JARID2: variants seen among roughly 807,000 people sequenced by gnomAD.
The protein encoded by JARID2 is jumonji and AT-rich interaction domain containing 2.
A neutral mutation model predicts 125.6 loss-of-function variants in JARID2; 21 were observed. The ratio of observed to expected loss-of-function variants is 0.17; its 90% CI spans 0.12 to 0.24. The LOEUF is 0.24. Among genes scored for constraint, JARID2 ranks in the 10% least tolerant of loss-of-function variants. JARID2 has a pLI of 1.00. For missense variants in JARID2, 1,303 were observed against 1,639.6 expected (o/e 0.79, Z 3.55); for synonymous variants, 736 against 661.6 (o/e 1.11, Z -1.73).
intron 1 of JARID2, among the ~76,000 whole-genome samples, chr6:15,278,911 A>C (rs1760645384): frequency 6.6e-6 from 1 of 152,154 alleles, no homozygotes; most frequent in Admixed American, 6.5e-5. Context: ...TCTACTAAAA[A>C]TACAAAAATT....
rs12210722 is a variant in JARID2 at position 15,470,009 on chromosome 6, T to C, written c.670+1291T>C. ...CTGGCCAACATGGTGAAACCCCGTC[T>C]CTACTAAAAATACATAAATTAGCCG... On this transcript the variant is annotated intron_variant, in intron 5 of 17. Transcript: ENST00000341776. Among the ~76,000 whole-genome samples the C allele has an allele frequency of 4.6e-3, 692 of 152,022 alleles. 4 individuals carry two copies. The highest frequency in any genetic ancestry group is 9.0e-3 in the Admixed American group (138 of 15,262).
At chr6:15,344,145 G>T (rs1224243735) in intron 1 of JARID2, among the ~76,000 whole-genome samples, 1 of 143,224 alleles carries the variant, frequency 7.0e-6, no homozygotes, top group Non-Finnish European at 1.5e-5. Flanking sequence ...ATTTCCAAGG[G>T]TGGCTGTGAA....
chr6:15,343,291 A>T (rs200170280), intron 1 of JARID2, among the ~76,000 whole-genome samples: 49 of 120,140 alleles, frequency 4.1e-4, no homozygotes, highest in South Asian at 1.3e-3. Flanking sequence ...TTAAGGATTT[A>T]AAAAAAAAAA....
At chr6:15,346,337 C>T (rs1315082271) in intron 1 of JARID2, among the ~76,000 whole-genome samples, 1 of 152,102 alleles carries the variant, frequency 6.6e-6, no homozygotes, top group Non-Finnish European at 1.5e-5. Context: ...TTACTGTCTG[C>T]TGTTTTGTGG....
intron 5 of JARID2, among the ~76,000 whole-genome samples, 155 bp downstream of exon 5, chr6:15,468,873 T>C (rs956112759): frequency 6.6e-6 from 1 of 152,154 alleles, no homozygotes; most frequent in African/African-American, 2.4e-5. Context: ...ATTATTAGTG[T>C]AGCTTAGTGT....
chr6:15,307,603 TC>T (rs1175978508), intron 1 of JARID2, among the ~76,000 whole-genome samples: 3 of 152,122 alleles, frequency 2.0e-5, no homozygotes, highest in Non-Finnish European at 2.9e-5. Context: ...GTGGTTCTTC[TC>T]CCCCACCAGA....
At chr6:15,518,234 C>T (rs528021151) in intron 17 of JARID2, among the ~76,000 whole-genome samples, 13 of 152,258 alleles carry the variant, frequency 8.5e-5, no homozygotes, top group East Asian at 5.8e-4. Context: ...GGCGGCGGCA[C>T]GGGGAGGCTT....
At chr6:15,283,090 T>C (rs150542143) in intron 1 of JARID2, among the ~76,000 whole-genome samples, 8,636 of 151,908 alleles carry the variant, frequency 0.057, 317 homozygotes, top group African/African-American at 0.088. Context: ...GCCATTCTCC[T>C]GCCTCAGCCT....
At position 15,496,813 on chromosome 6, in the gene JARID2, C is replaced by T. The variant is rs1770462843; in HGVS notation, c.1588C>T (p.Pro530Ser). ...CTGTGAAAATCGTTCTACCTCGCAA[C>T]CGGAGTCCGTGCACAAGCCGCAGGA... ...ASCENRSTSQ[P>S]ESVHKPQDSG... Residue 530 changes from proline to serine, a missense_variant, in exon 7 of 18, where the codon CCG becomes TCG. Physicochemically the swap from Pro to Ser is moderately conservative, Grantham distance 74. Around this residue, in one of 11 missense-constraint regions of JARID2, gnomAD observed 651 missense variants for 581.6 expected, o/e 1.12. Transcript: ENST00000341776. 1.9e-6 allele frequency: 3 copies of T among 1,605,374 alleles called. No homozygotes were observed. The highest frequency in any genetic ancestry group is 2.6e-6 in the Non-Finnish European group (3 of 1,175,204).
intron 3 of JARID2, among the ~76,000 whole-genome samples, chr6:15,444,515 G>C (rs1214571224): frequency 6.6e-6 from 1 of 152,136 alleles, no homozygotes; most frequent in Admixed American, 6.5e-5. Flanking sequence ...ACACACACGG[G>C]CACACTCTTG....
rs199945772 is a variant in JARID2, at chr6:15,285,106, G to GTTTTT, written c.45+38539_45+38543dup. ...TTTGCATTAATGTGAGTCTTTCTGG[G>GTTTTT]TTTTTTTTTTTTTTTTTTTTTGAAA... On this transcript the variant is annotated intron_variant, in intron 1 of 17. Transcript: ENST00000341776. Among the ~76,000 whole-genome samples, 520 of 119,436 alleles carry GTTTTT rather than the reference G, an allele frequency of 4.4e-3. 29 individuals carry two copies. Among genetic ancestry groups the GTTTTT allele is most frequent in the African/African-American group, 0.016 (476 of 30,404 alleles). The allele number at this position is 119,436 out of a possible 152,430, so 78.4% of individuals were successfully genotyped here.
intron 13 of JARID2, 102 bp downstream of exon 13, chr6:15,511,503 A>G: frequency 1.3e-6 from 1 of 770,168 alleles, no homozygotes; most frequent in Non-Finnish European, 2.2e-6. Context: ...ATGAGGACAC[A>G]GCAAAACAAA....
At chr6:15,447,723 G>C (rs1767735750) in intron 3 of JARID2, among the ~76,000 whole-genome samples, 1 of 152,234 alleles carries the variant, frequency 6.6e-6, no homozygotes. Context: ...GAAATAAATG[G>C]TGTGGTGGGC....
intron 2 of JARID2, among the ~76,000 whole-genome samples, chr6:15,377,977 C>T (rs1581476260): frequency 1.3e-5 from 2 of 151,534 alleles, no homozygotes; most frequent in East Asian, 1.9e-4. Flanking sequence ...CCTCTGCCTC[C>T]GGGTTCAAGT....
intron 3 of JARID2, among the ~76,000 whole-genome samples, chr6:15,425,525 G>A (rs1224001797): frequency 6.6e-6 from 1 of 152,102 alleles, no homozygotes; most frequent in Non-Finnish European, 1.5e-5. Flanking sequence ...CCTCTTGAGT[G>A]GATTAATACC....
At chr6:15,360,809 C>T (rs1763766094) in intron 1 of JARID2, among the ~76,000 whole-genome samples, 1 of 152,080 alleles carries the variant, frequency 6.6e-6, no homozygotes, top group African/African-American at 2.4e-5. Flanking sequence ...CCAACCTAGT[C>T]TTTCTTTTTT....
intron 3 of JARID2, among the ~76,000 whole-genome samples, chr6:15,436,413 G>A (rs1036302624): frequency 1.3e-5 from 2 of 152,192 alleles, no homozygotes; most frequent in African/African-American, 2.4e-5. Context: ...CGCTTGTGTC[G>A]TCTTCCGCTG....
At chr6:15,274,347 G>A (rs1760412716) in intron 1 of JARID2, among the ~76,000 whole-genome samples, 1 of 152,136 alleles carries the variant, frequency 6.6e-6, no homozygotes. Context: ...TTAGAGGTAG[G>A]CATATGAAGA....
At chr6:15,274,242 T>G (rs2127359773) in intron 1 of JARID2, among the ~76,000 whole-genome samples, 1 of 152,296 alleles carries the variant, frequency 6.6e-6, no homozygotes, top group Admixed American at 6.5e-5. Flanking sequence ...CTTCTCTATC[T>G]TTGAAAAAGG....
Sources: gnomAD v4.1 joint callset for allele counts (sites outside exome capture counted in the v4.1 genomes callset) on GRCh38, gnomAD v4.1.1 for gene constraint, gnomAD v4.1.1 regional missense constraint, MANE v1.5 for transcripts, NCBI Gene and HGNC (gene_info 2026-07-23, HGNC 2026-07-21) for gene names.